TMLHE: variants seen among roughly 807,000 people sequenced by gnomAD.
TMLHE encodes the protein trimethyllysine hydroxylase, epsilon.
Under a neutral mutation model 25.7 loss-of-function variants are expected in TMLHE, and 18 were observed. The ratio of observed to expected loss-of-function variants is 0.70; its 90% CI spans 0.48 to 1.04. TMLHE has a LOEUF of 1.04. TMLHE is among the 50% of genes least tolerant of loss of function. The pLI is 0.00. For synonymous variants in TMLHE, 105 were observed against 97.0 expected (o/e 1.08, Z -0.49); for missense variants, 236 against 259.0 (o/e 0.91, Z 0.61).
chrX:155,511,692 A>G lies in TMLHE; in HGVS notation c.739T>C (p.Tyr247His), dbSNP rs2067114115. Reference protein sequence around the residue: ...LALDRHTDTTYFQEPCGIQVF... With the variant: ...LALDRHTDTTHFQEPCGIQVF... ...ACCTACCCACAGGGCTCTTGAAAAT[A>G]GGTAGTGTCAGTGTGCCGATCCAGA... The change falls in exon 5 of 8, where the codon TAT becomes CAT. Residue 247 changes from tyrosine (Y) to histidine (H), a missense_variant. Physicochemically the swap from Tyr to His is moderately conservative, Grantham distance 83. This residue lies in a region of TMLHE where 217 missense variants were observed against 214.6 expected (regional missense o/e 1.01). Transcript: ENST00000334398. 8.3e-7 allele frequency: 1 copy of G among 1,198,569 alleles called. No individual in the cohort carries two copies. Among genetic ancestry groups the G allele is most frequent in the Non-Finnish European group, 1.1e-6 (1 of 887,929 alleles).
Position 155,558,287 on chromosome X carries a change from T to G in TMLHE, c.-1-13010A>C, listed in dbSNP as rs782111283. On this transcript the variant is annotated intron_variant, in intron 1 of 7. Transcript: ENST00000334398. ...CCTATTCTGCCTTTTATTCATCTTT[T>G]AAGAATCAGTCTAGATATCATCTCA... is the stretch of plus-strand genomic sequence containing the variant. 2.7e-5 allele frequency among the ~76,000 whole-genome samples: 3 copies of G among 112,201 alleles called. No individual in the cohort carries two copies. The South Asian group carries it at 1.1e-3, about 41-fold the overall frequency.
chrX:155,516,167 C>A (rs1336347033), intron 3 of TMLHE, among the ~76,000 whole-genome samples: 3 of 41,894 alleles, frequency 7.2e-5, no homozygotes, highest in South Asian at 3.6e-3. Flanking sequence ...TCCCTCCCCC[C>A]TCCCCCGACC....
At chrX:155,583,866 A>C (rs1748335812) in intron 1 of TMLHE, among the ~76,000 whole-genome samples, 1 of 111,380 alleles carries the variant, frequency 9.0e-6, no homozygotes, top group African/African-American at 3.3e-5. Flanking sequence ...CACATTATTC[A>C]GGTGATGGTT....
intron 1 of TMLHE, among the ~76,000 whole-genome samples, chrX:155,562,816 G>A (rs782508375): frequency 1.6e-5 from 1 of 61,984 alleles, no homozygotes; most frequent in African/African-American, 3.6e-5. Context: ...CAAGTTCAAA[G>A]TTCCACAGAT....
At chrX:155,512,390 T>C (rs1317598151) in intron 4 of TMLHE, among the ~76,000 whole-genome samples, 1 of 99,316 alleles carries the variant, frequency 1.0e-5, no homozygotes, top group African/African-American at 3.7e-5. Context: ...CATTGTTCAA[T>C]TCCCACCTAT....
chrX:155,510,755 G>C (rs1459131233), intron 5 of TMLHE, among the ~76,000 whole-genome samples: 6 of 108,433 alleles, frequency 5.5e-5, no homozygotes, highest in Admixed American at 2.0e-4. Flanking sequence ...AATCCTTTGG[G>C]TATATACCCA....
chrX:155,513,500 C>T (rs1298852844), intron 4 of TMLHE, among the ~76,000 whole-genome samples: 3 of 110,959 alleles, frequency 2.7e-5, no homozygotes, highest in African/African-American at 9.8e-5. Context: ...GCTATATAGC[C>T]TTTTAAGGCA....
chrX:155,513,640 C>CCTAT (rs1476819272), intron 4 of TMLHE, among the ~76,000 whole-genome samples: 1 of 108,679 alleles, frequency 9.2e-6, no homozygotes, highest in African/African-American at 3.4e-5. Context: ...AATGGACATG[C>CCTAT]CTATGGTCAC....
At chrX:155,593,738 T>C (rs1363044796) in intron 1 of TMLHE, among the ~76,000 whole-genome samples, 1 of 109,180 alleles carries the variant, frequency 9.2e-6, no homozygotes, top group East Asian at 2.9e-4. Flanking sequence ...GACGAAGAAA[T>C]AGAAACAATT....
rs371077305 is a variant in TMLHE, at chrX:155,552,445, G to A, written c.-1-7168C>T. On this transcript the variant is annotated intron_variant, in intron 1 of 7. Coordinates refer to ENST00000334398, the MANE Select transcript of TMLHE (RefSeq NM_018196.4). ...AATTTATCTTCTTGTGTTCTTTTTG[G>A]TAAGTTATGTTTCCTAGGAATCTAT... is the stretch of plus-strand genomic sequence containing the variant. Among the ~76,000 whole-genome samples the A allele has an allele frequency of 9.2e-5, 10 of 109,130 alleles. No individual in the cohort carries two copies. In the South Asian group the frequency reaches 3.8e-3, roughly 42 times the overall value. The allele number at this position is 109,130 out of a possible 115,157, so 94.8% of individuals were successfully genotyped here.
intron 3 of TMLHE, among the ~76,000 whole-genome samples, chrX:155,516,029 T>TTTTA (rs55756180): frequency 2.3e-5 from 2 of 88,198 alleles, no homozygotes; most frequent in Non-Finnish European, 4.6e-5. Flanking sequence ...TTTTTTTTTT[T>TTTTA]ATTATACTCT....
At chrX:155,514,364 G>C (rs1569561884) in intron 3 of TMLHE, 99 bp from the exon 4 acceptor site, 1 of 893,793 alleles carries the variant, frequency 1.1e-6, no homozygotes. Flanking sequence ...CTAGCAATCA[G>C]TTATCCAGTA....
rs782343831 is a variant in TMLHE at position 155,516,010 on chromosome X, C to CTTTTTTTTT, written c.359-1746_359-1745insAAAAAAAAA. 8.2e-4 allele frequency among the ~76,000 whole-genome samples: 55 copies of CTTTTTTTTT among 66,968 alleles called. 1 individual carries two copies. The highest frequency in any genetic ancestry group is 9.8e-4 in the East Asian group (2 of 2,042). The allele number at this position is 66,968 out of a possible 115,157, so 58.2% of individuals were successfully genotyped here. On this transcript the variant is annotated intron_variant, in intron 3 of 7. Transcript: ENST00000334398. ...TTTCTATTGGAACAATTGTACTTTTCTTCTTTTTTTTTTTTTTTTATTATA... is the reference window on the plus strand; with the variant it reads ...TTTCTATTGGAACAATTGTACTTTTCTTTTTTTTTTTCTTTTTTTTTTTTTTTTATTATA...
At chrX:155,504,480 C>T (rs1557332464) in intron 6 of TMLHE, among the ~76,000 whole-genome samples, 1 of 103,448 alleles carries the variant, frequency 9.7e-6, no homozygotes, top group Non-Finnish European at 2.0e-5. Context: ...GTACCACTCT[C>T]ATAGTAATGA....
intron 1 of TMLHE, among the ~76,000 whole-genome samples, chrX:155,574,694 T>G (rs189541721): frequency 2.3e-4 from 25 of 111,062 alleles, no homozygotes; most frequent in African/African-American, 7.9e-4. Flanking sequence ...AAATAAACCA[T>G]GTTTAATGAA....
intron 1 of TMLHE, among the ~76,000 whole-genome samples, chrX:155,572,233 C>T (rs1302869075): frequency 1.8e-5 from 1 of 56,572 alleles, no homozygotes; most frequent in African/African-American, 4.3e-5. Flanking sequence ...CTCCCATTCA[C>T]AATTGCTTCA....
chrX:155,510,126 G>A (rs2067097902), intron 5 of TMLHE, among the ~76,000 whole-genome samples: 1 of 110,665 alleles, frequency 9.0e-6, no homozygotes, highest in Admixed American at 9.6e-5. Context: ...TAATGGTTAG[G>A]CAATACTTTT....
intron 1 of TMLHE, among the ~76,000 whole-genome samples, chrX:155,548,535 G>GAGTTCGAGA (rs1491301815): frequency 1.8e-5 from 2 of 109,143 alleles, no homozygotes; most frequent in Non-Finnish European, 1.9e-5. Context: ...GCAGTATGAG[G>GAGTTCGAGA]CCAGCCTGAC....
intron 2 of TMLHE, 94 bp downstream of exon 2, chrX:155,545,000 ACG>A: frequency 1.0e-6 from 1 of 979,886 alleles, no homozygotes; most frequent in Non-Finnish European, 1.4e-6. Flanking sequence ...TTTTCTTACC[ACG>A]ATTTTATCAT....
Sources: allele counts gnomAD v4.1 joint callset (sites outside exome capture counted in the v4.1 genomes callset), GRCh38; gene constraint gnomAD v4.1.1; regional missense constraint gnomAD v4.1.1; transcripts MANE v1.5; gene names NCBI Gene and HGNC (gene_info 2026-07-23, HGNC 2026-07-21).